Variants in TMC5 observed in about 807,000 individuals in gnomAD.
The protein encoded by TMC5 is transmembrane channel-like protein 5.
TMC5 carries 86 observed loss-of-function variants against 110.5 expected under a neutral mutation model. That is an observed-to-expected ratio of 0.78 (90% CI 0.65 to 0.93). The LOEUF is 0.93. Among genes scored for constraint, TMC5 ranks in the 40% least tolerant of loss-of-function variants. TMC5 has a pLI of 0.00. For missense variants in TMC5, 1,144 were observed against 1,222.8 expected (o/e 0.94, Z 0.96); for synonymous variants, 455 against 439.5 (o/e 1.04, Z -0.44).
chr16:19,417,085 C>T (rs902984457), upstream of TMC5, among the ~76,000 whole-genome samples: 1 of 91,360 alleles, frequency 1.1e-5, no homozygotes, highest in Non-Finnish European at 1.9e-5. Flanking sequence ...CAGAGCAAGA[C>T]TCAGTCTTCA....
Position 19,449,553 on chromosome 16 carries a change from T to C in TMC5, c.970T>C (p.Tyr324His). 6.2e-7 allele frequency: 1 copy of C among 1,614,142 alleles called. No individual in the cohort carries two copies. The highest frequency in any genetic ancestry group is 1.1e-5 in the South Asian group (1 of 91,080). ...CCTCTTCCCTCCAGTGAACCCTGCT[T>C]ATGTAGGTGAAAGTGGTCCTGTCCA... ...APGSGYVNPA[Y>H]VGESGPVHAY... Residue 324 changes from tyrosine (Y) to histidine (H), a missense_variant, in exon 5 of 22, where the codon TAT becomes CAT. Transcript: ENST00000542583.
intron 5 of TMC5, among the ~76,000 whole-genome samples, chr16:19,456,080 G>A (rs576886926): frequency 1.0e-3 from 153 of 151,938 alleles, no homozygotes; most frequent in African/African-American, 2.8e-3. Flanking sequence ...GGTGGCGGGC[G>A]CCTGTAATCC....
intron 2 of TMC5, among the ~76,000 whole-genome samples, 192 bp downstream of exon 2, chr16:19,430,832 C>T (rs1427589258): frequency 1.3e-5 from 2 of 150,118 alleles, no homozygotes; most frequent in African/African-American, 4.9e-5. Context: ...AATTTCTTTC[C>T]TTCTCTCCAC....
At chr16:19,483,731 T>TCATG (rs1346590857) in intron 15 of TMC5, among the ~76,000 whole-genome samples, 1 of 151,076 alleles carries the variant, frequency 6.6e-6, no homozygotes, top group Non-Finnish European at 1.5e-5. Context: ...TGAGCCAAGA[T>TCATG]CATGCCATGG....
intron 2 of TMC5, among the ~76,000 whole-genome samples, chr16:19,439,672 C>G (rs1192661682): frequency 1.3e-5 from 2 of 152,176 alleles, no homozygotes; most frequent in East Asian, 3.9e-4. Context: ...GGTGCACCGT[C>G]ATTTCCGCAT....
intron 6 of TMC5, among the ~76,000 whole-genome samples, chr16:19,460,863 G>A (rs934538374): frequency 1.3e-5 from 2 of 152,186 alleles, no homozygotes; most frequent in Non-Finnish European, 2.9e-5. Flanking sequence ...AAGTTCTACA[G>A]AGACGTGACA....
intron 15 of TMC5, among the ~76,000 whole-genome samples, chr16:19,486,136 G>A (rs8059721): frequency 0.81 from 123,811 of 152,096 alleles, 50,599 homozygotes; most frequent in South Asian, 0.89. Context: ...CCCCCTCTGT[G>A]TTCGTTTGCT....
chr16:19,431,125 G>T (rs1310468348), intron 2 of TMC5, among the ~76,000 whole-genome samples: 3 of 152,118 alleles, frequency 2.0e-5, no homozygotes, highest in Non-Finnish European at 2.9e-5. Flanking sequence ...TTAACTGTGG[G>T]TCTTAAGTAT....
intron 4 of TMC5, among the ~76,000 whole-genome samples, chr16:19,446,152 AAG>A (rs1019336031): frequency 4.6e-5 from 7 of 151,906 alleles, no homozygotes; most frequent in South Asian, 4.2e-4. Context: ...GGAAAAAGAA[AAG>A]AGAATATTCC....
intron 9 of TMC5, among the ~76,000 whole-genome samples, chr16:19,468,791 G>A (rs1165896906): frequency 6.6e-6 from 1 of 152,158 alleles, no homozygotes; most frequent in African/African-American, 2.4e-5. Context: ...CTTCCAGAAG[G>A]AACATAGCCC....
intron 1 of TMC5, among the ~76,000 whole-genome samples, chr16:19,425,048 G>A (rs1363031225): frequency 1.3e-5 from 2 of 152,130 alleles, no homozygotes; most frequent in Non-Finnish European, 2.9e-5. Flanking sequence ...TTTAGGAACC[G>A]GAACCAAAGA....
chr16:19,420,741 G>A (rs556267377), intron 1 of TMC5, among the ~76,000 whole-genome samples: 1 of 152,284 alleles, frequency 6.6e-6, no homozygotes, highest in African/African-American at 2.4e-5. Context: ...AGGATTACAG[G>A]ATTGAGCCAT....
chr16:19,439,884 C>CT (rs1482993114), intron 2 of TMC5, 76 bp from the exon 3 acceptor site: 1 of 636,666 alleles, frequency 1.6e-6, no homozygotes, highest in Non-Finnish European at 2.7e-6. Context: ...AGAACAGATA[C>CT]TGGAAGATAA....
At chr16:19,426,732 T>G (rs1355725095) in intron 1 of TMC5, among the ~76,000 whole-genome samples, 2 of 152,220 alleles carry the variant, frequency 1.3e-5, no homozygotes, top group Non-Finnish European at 2.9e-5. Flanking sequence ...TTAATCATCT[T>G]AAAACATTTT....
rs1469905841 is a variant in TMC5 at position 19,490,474 on chromosome 16, C to T, written c.2653C>T (p.Leu885=). Residue 885 remains leucine, a synonymous_variant, in exon 18 of 22, where the codon CTA becomes TTA. Coordinates refer to ENST00000542583, the MANE Select transcript of TMC5 (RefSeq NM_001261841.2). The part of the protein sequence containing the change: ...IHSIYSWIDT[L]STRPGYLWVV... The stretch of plus-strand genomic sequence containing the variant: ...CTCCATCTACAGCTGGATCGACACC[C>T]TAAGTACACGGCCTGGCTACCTGTG... 6.2e-7 allele frequency: 1 copy of T among 1,614,180 alleles called. No homozygotes were observed. Among genetic ancestry groups the T allele is most frequent in the Non-Finnish European group, 8.5e-7 (1 of 1,180,038 alleles).
At chr16:19,462,506 G>T in intron 6 of TMC5, 1 of 701,924 alleles carries the variant, frequency 1.4e-6, no homozygotes, top group Non-Finnish European at 2.6e-6. Flanking sequence ...CACACAGCAG[G>T]GGAGGCCTCA....
At chr16:19,473,834 G>C (rs1968412904) in intron 11 of TMC5, among the ~76,000 whole-genome samples, 1 of 152,070 alleles carries the variant, frequency 6.6e-6, no homozygotes, top group Non-Finnish European at 1.5e-5. Flanking sequence ...ACAAAAATTA[G>C]CTGGGTATGT....
intron 10 of TMC5, 100 bp from the exon 11 acceptor site, chr16:19,471,988 T>C: frequency 2.4e-6 from 3 of 1,231,134 alleles, no homozygotes; most frequent in South Asian, 1.3e-5. Flanking sequence ...CTCAAACTCC[T>C]GACCTCAAGT....
rs1236602760 is a variant in TMC5, at chr16:19,490,558, C to T, written c.2737C>T (p.Leu913Phe). 1 of 1,613,996 alleles carries T rather than the reference C, an allele frequency of 6.2e-7. No homozygotes were observed. The highest frequency in any genetic ancestry group is 1.3e-5 in the African/African-American group (1 of 74,898). ...TGTGCACTTCTTTTTCATCCTCACC[C>T]TCATTGTGCTGTGAGTGTGGTACCC... Reference protein sequence around the residue: ...GSVHFFFILTLIVLIITYLYW... With the variant: ...GSVHFFFILTFIVLIITYLYW... The change falls in exon 18 of 22, where the codon CTC (leucine) becomes TTC (phenylalanine). Residue 913 changes from leucine to phenylalanine, a missense_variant. Physicochemically the swap from Leu to Phe is conservative, Grantham distance 22. Coordinates refer to ENST00000542583, the MANE Select transcript of TMC5 (RefSeq NM_001261841.2).
Sources: allele counts gnomAD v4.1 joint callset (sites outside exome capture counted in the v4.1 genomes callset), GRCh38; gene constraint gnomAD v4.1.1; transcripts MANE v1.5; gene names NCBI Gene and HGNC (gene_info 2026-07-23, HGNC 2026-07-21).